SUPT3H: variants seen among roughly 807,000 people sequenced by gnomAD.
SUPT3H encodes transcription initiation protein SPT3 homolog.
SUPT3H carries 44 observed loss-of-function variants against 44.3 expected under a neutral mutation model. The ratio of observed to expected loss-of-function variants is 0.99; its 90% CI spans 0.78 to 1.28. The LOEUF (loss-of-function observed/expected upper bound fraction) is 1.28. SUPT3H is among the 50% of genes most tolerant of loss of function. The pLI, the probability that SUPT3H is intolerant of heterozygous loss-of-function variation, is 0.00. For synonymous variants in SUPT3H, 124 were observed against 125.6 expected (o/e 0.99, Z 0.09); for missense variants, 380 against 387.1 (o/e 0.98, Z 0.15).
At chr6:45,257,130 G>T (rs1272935798) in intron 2 of SUPT3H, among the ~76,000 whole-genome samples, 1 of 152,088 alleles carries the variant, frequency 6.6e-6, no homozygotes. Context: ...TCCTATCCTA[G>T]CGAGTGTGAA....
intron 3 of SUPT3H, among the ~76,000 whole-genome samples, chr6:45,021,552 C>A (rs1785138922): frequency 6.6e-6 from 1 of 151,822 alleles, no homozygotes; most frequent in African/African-American, 2.4e-5. Flanking sequence ...ACGGATTGCA[C>A]CAAACCAAGT....
chr6:44,954,446 A>G (rs775991597), intron 8 of SUPT3H, 49 bp downstream of exon 8: 28 of 1,334,880 alleles, frequency 2.1e-5, no homozygotes, highest in Middle Eastern at 1.8e-4. Flanking sequence ...GGGCAGAGAT[A>G]AAGAAAAACC....
intron 10 of SUPT3H, among the ~76,000 whole-genome samples, chr6:44,846,321 G>A (rs1011245788): frequency 1.3e-5 from 2 of 152,100 alleles, no homozygotes; most frequent in Admixed American, 6.5e-5. Flanking sequence ...CCAACAGTTC[G>A]ATTTACTAAT....
intron 8 of SUPT3H, among the ~76,000 whole-genome samples, chr6:44,953,855 C>T (rs146008877): frequency 0.011 from 1,715 of 152,186 alleles, 17 homozygotes; most frequent in Non-Finnish European, 0.016. Context: ...CCTCAGCCTT[C>T]CTGAGTAGCT....
At chr6:44,869,992 T>G (rs1776106699) in intron 10 of SUPT3H, among the ~76,000 whole-genome samples, 1 of 152,224 alleles carries the variant, frequency 6.6e-6, no homozygotes, top group Non-Finnish European at 1.5e-5. Context: ...TACAAGCAAG[T>G]TGTGTATGAG....
At chr6:44,964,466 G>T (rs1368752977) in intron 6 of SUPT3H, among the ~76,000 whole-genome samples, 1 of 152,148 alleles carries the variant, frequency 6.6e-6, no homozygotes. Context: ...TGCTTACATA[G>T]CTGATGTATT....
At chr6:45,098,600 T>C (rs1798122710) in intron 3 of SUPT3H, 2 of 331,862 alleles carry the variant, frequency 6.0e-6, no homozygotes, top group African/African-American at 2.2e-5. Flanking sequence ...ATGATCCCCT[T>C]GCCAATCAGA....
At chr6:45,109,305 A>G (rs1799718757) in intron 2 of SUPT3H, among the ~76,000 whole-genome samples, 1 of 152,196 alleles carries the variant, frequency 6.6e-6, no homozygotes, top group South Asian at 2.1e-4. Flanking sequence ...ATACTTGAAT[A>G]AGGTTTTCCT....
At chr6:45,074,654 CCACTGGAGGA>C (rs1794784635) in intron 3 of SUPT3H, among the ~76,000 whole-genome samples, 1 of 151,912 alleles carries the variant, frequency 6.6e-6, no homozygotes, top group Non-Finnish European at 1.5e-5. Context: ...GTAATAGAAA[CCACTGGAGGA>C]AGTAAGAAAG....
intron 3 of SUPT3H, among the ~76,000 whole-genome samples, chr6:45,062,765 C>T (rs1330246509): frequency 1.3e-5 from 2 of 152,102 alleles, no homozygotes; most frequent in African/African-American, 2.4e-5. Context: ...GCTTAAAAAG[C>T]GGCGAACCAT....
At chr6:45,105,074 A>ATAT (rs1799088476) in intron 3 of SUPT3H, among the ~76,000 whole-genome samples, 1 of 152,010 alleles carries the variant, frequency 6.6e-6, no homozygotes, top group African/African-American at 2.4e-5. Context: ...CTAAACCCTT[A>ATAT]GTATAGCATA....
intron 3 of SUPT3H, among the ~76,000 whole-genome samples, chr6:45,027,006 T>TC (rs1786123383): frequency 7.2e-6 from 1 of 138,812 alleles, no homozygotes; most frequent in East Asian, 2.0e-4. Flanking sequence ...TTTTTTTTTT[T>TC]TGAGACAGGG....
At chr6:45,369,710 G>A (rs569876723) in intron 1 of SUPT3H, among the ~76,000 whole-genome samples, 7 of 152,214 alleles carry the variant, frequency 4.6e-5, no homozygotes, top group African/African-American at 7.2e-5. Context: ...GCCAAACACC[G>A]TTCTAAGAGG....
At chr6:45,145,297 A>G (rs906966135) in intron 2 of SUPT3H, among the ~76,000 whole-genome samples, 2 of 152,190 alleles carry the variant, frequency 1.3e-5, no homozygotes, top group Non-Finnish European at 2.9e-5. Flanking sequence ...CCGAAACAAC[A>G]TGGTACTGCT....
At chr6:45,053,957 T>G (rs1790728552) in intron 3 of SUPT3H, among the ~76,000 whole-genome samples, 1 of 149,930 alleles carries the variant, frequency 6.7e-6, no homozygotes, top group Non-Finnish European at 1.5e-5. Context: ...TCTCCCTCCC[T>G]TCTCCCCTGA....
intron 10 of SUPT3H, among the ~76,000 whole-genome samples, chr6:44,851,302 T>A (rs1247827990): frequency 6.6e-6 from 1 of 152,206 alleles, no homozygotes; most frequent in Non-Finnish European, 1.5e-5. Flanking sequence ...CTGGCTAGGA[T>A]GAGCAGAAAG....
intron 2 of SUPT3H, among the ~76,000 whole-genome samples, chr6:45,287,038 A>G (rs1434882821): frequency 6.6e-6 from 1 of 152,260 alleles, no homozygotes; most frequent in Non-Finnish European, 1.5e-5. Flanking sequence ...TGGGAACTGA[A>G]CAATGAGAAC....
intron 3 of SUPT3H, among the ~76,000 whole-genome samples, chr6:45,043,616 A>G (rs1026531850): frequency 1.3e-5 from 2 of 152,172 alleles, no homozygotes; most frequent in African/African-American, 4.8e-5. Context: ...AAGAACAAAA[A>G]GAGGTGAAAA....
At chr6:45,300,164 T>C (rs1056580969) in intron 2 of SUPT3H, among the ~76,000 whole-genome samples, 4 of 152,216 alleles carry the variant, frequency 2.6e-5, no homozygotes, top group Non-Finnish European at 4.4e-5. Context: ...GACTGCCCAA[T>C]AGTTAATCAC....
Sources: gnomAD v4.1 joint callset for allele counts (sites outside exome capture counted in the v4.1 genomes callset) on GRCh38, gnomAD v4.1.1 for gene constraint, MANE v1.5 for transcripts, NCBI Gene and HGNC (gene_info 2026-07-23, HGNC 2026-07-21) for gene names.